The following SP3 variants were observed in gnomAD, a reference collection of about 807,000 sequenced individuals.
SP3 encodes transcription factor Sp3.
SP3 carries 10 observed loss-of-function variants against 70.3 expected under a neutral mutation model. The observed-to-expected ratio is 0.14, with a 90% CI of 0.09 to 0.24. The LOEUF is 0.24. Among genes scored for constraint, SP3 ranks in the 10% least tolerant of loss-of-function variants. SP3 has a pLI of 1.00. For synonymous variants in SP3, 402 were observed against 333.5 expected (o/e 1.21, Z -2.24); for missense variants, 825 against 914.6 (o/e 0.90, Z 1.26).
chr2:173,933,665 TATATATAA>T (rs1195273197), intron 4 of SP3, among the ~76,000 whole-genome samples: 78 of 141,220 alleles, frequency 5.5e-4, no homozygotes, highest in African/African-American at 1.9e-3. Context: ...TATATATATA[TATATATAA>T]AAGTTATAAA....
rs72911149 is a variant in SP3, at chr2:173,920,967, G to A, written c.1640-2182C>T. ...GAGTGGTGACTGCCTACTTTTGAGG[G>A]ACATATATGACTGAGTACAGGGAGA... On this transcript the variant is annotated intron_variant, in intron 4 of 6. Coordinates refer to ENST00000310015, the MANE Select transcript of SP3 (RefSeq NM_003111.5). 4.2e-3 allele frequency among the ~76,000 whole-genome samples: 643 copies of A among 152,180 alleles called. 4 individuals are homozygous for A. Among genetic ancestry groups the A allele is most frequent in the Non-Finnish European group, 6.9e-3 (468 of 68,004 alleles).
rs149673292 is a variant in SP3, at chr2:173,929,150, C to T, written c.1640-10365G>A. On this transcript the variant is annotated intron_variant, in intron 4 of 6. Transcript: ENST00000310015. Reference sequence around the variant, plus strand: ...TTGCCTTGCCAAAGGTGAAAGAAAACGTGGCAAATCACATTCTGTTCTTTA... The same window carrying T: ...TTGCCTTGCCAAAGGTGAAAGAAAATGTGGCAAATCACATTCTGTTCTTTA... Among the ~76,000 whole-genome samples the T allele has an allele frequency of 6.3e-3, 961 of 152,026 alleles. 25 individuals carry two copies. The highest frequency in any genetic ancestry group is 0.01 in the East Asian group (53 of 5,184).
At chr2:173,934,593 C>T (rs1176425072) in intron 4 of SP3, among the ~76,000 whole-genome samples, 1 of 152,018 alleles carries the variant, frequency 6.6e-6, no homozygotes, top group Non-Finnish European at 1.5e-5. Flanking sequence ...ACAAAAAAGT[C>T]AATTGCCAGG....
At chr2:173,917,525 G>C (rs1421335468) in intron 5 of SP3, among the ~76,000 whole-genome samples, 1 of 152,066 alleles carries the variant, frequency 6.6e-6, no homozygotes, top group Non-Finnish European at 1.5e-5. Flanking sequence ...GTTACCAGTT[G>C]TTAGCAATTA....
chr2:173,945,538 A>T (rs1690512441), intron 4 of SP3, among the ~76,000 whole-genome samples: 1 of 152,234 alleles, frequency 6.6e-6, no homozygotes, highest in African/African-American at 2.4e-5. Context: ...AGTATACAAG[A>T]AGTATGCTAT....
Position 173,964,567 on chromosome 2 carries a change from G to GC in SP3, c.8-15dup. On this transcript the variant is annotated splice_polypyrimidine_tract_variant and intron_variant, in intron 1 of 6. Coordinates refer to ENST00000310015, the MANE Select transcript of SP3 (RefSeq NM_003111.5). ...GCTTTTCGGGAGCTGCAGGCACAGC[G>GC]CGGGGGGGTGGGGGTGGGGAGGAAG... 1 of 679,868 alleles carries GC rather than the reference G, an allele frequency of 1.5e-6. No homozygotes were observed. Among genetic ancestry groups the GC allele is most frequent in the Non-Finnish European group, 2.7e-6 (1 of 366,396 alleles). The allele number at this position is 679,868 out of a possible 1,614,324, so 42.1% of individuals were successfully genotyped here.
intron 4 of SP3, among the ~76,000 whole-genome samples, chr2:173,937,026 T>TAC (rs1690228234): frequency 6.6e-6 from 1 of 152,254 alleles, no homozygotes; most frequent in African/African-American, 2.4e-5. Flanking sequence ...TGTTGATTAC[T>TAC]ACTCCATGTA....
rs771943553 is a variant in SP3, at chr2:173,955,693, A to G, written c.819T>C (p.Asp273=). Residue 273 remains aspartate (D), a synonymous_variant, in exon 4 of 7, where the codon GAT becomes GAC. Transcript: ENST00000310015. ...NITFVPINSV[D]LDSLGLSGSS... is the part of the protein sequence containing the mutation. The stretch of plus-strand genomic sequence containing the variant: ...TGCCCGAGAGTCCCAAAGAATCTAG[A>G]TCGACACTATTGATTGGTACAAACG... 4 of 1,614,240 alleles carry G rather than the reference A, an allele frequency of 2.5e-6. No homozygotes were observed. The South Asian group carries it at 3.3e-5, about 13-fold the overall frequency.
At chr2:173,935,325 CT>C (rs1267098351) in intron 4 of SP3, among the ~76,000 whole-genome samples, 1 of 152,172 alleles carries the variant, frequency 6.6e-6, no homozygotes, top group African/African-American at 2.4e-5. Context: ...GTTATCACCT[CT>C]GCTAGAACTA....
chr2:173,915,472 A>G (rs568998046), intron 5 of SP3: 2 of 152,322 alleles, frequency 1.3e-5, no homozygotes, highest in South Asian at 2.1e-4. Flanking sequence ...ACTAATGCCT[A>G]TAATATAGGA....
chr2:173,934,117 G>A (rs565034062), intron 4 of SP3, among the ~76,000 whole-genome samples: 2 of 151,956 alleles, frequency 1.3e-5, no homozygotes, highest in African/African-American at 4.8e-5. Flanking sequence ...CGGGGCACCT[G>A]TAGTCCCACC....
chr2:173,938,680 TA>T (rs1200004424), intron 4 of SP3, among the ~76,000 whole-genome samples: 1 of 151,918 alleles, frequency 6.6e-6, no homozygotes. Flanking sequence ...CAAGTGCTAT[TA>T]AACAAGCGGT....
At chr2:173,961,144 T>G (rs1691060195) in intron 3 of SP3, among the ~76,000 whole-genome samples, 1 of 152,218 alleles carries the variant, frequency 6.6e-6, no homozygotes, top group Admixed American at 6.5e-5. Context: ...TAGCCACAAC[T>G]TAAGTACAAA....
intron 1 of SP3, 146 bp downstream of exon 1, chr2:173,965,019 C>T (rs1691246741): frequency 3.8e-6 from 4 of 1,045,636 alleles, no homozygotes; most frequent in Non-Finnish European, 5.5e-6. Context: ...GGGAGGGAGG[C>T]GCAGGGGAGT....
Position 173,906,791 on chromosome 2 carries a change from G to C in SP3, c.*3150C>G, listed in dbSNP as rs1689336990. On this transcript the variant is annotated 3_prime_UTR_variant, in exon 7 of 7. Transcript: ENST00000310015. ...GCAGGAGTGTTTAACAGAACCACTTGAGCAGCTGTTTCAAAACACATATAC... is the reference window on the plus strand; with the variant it reads ...GCAGGAGTGTTTAACAGAACCACTTCAGCAGCTGTTTCAAAACACATATAC... The C allele has an allele frequency of 6.6e-6, 1 of 152,144 alleles. No homozygotes were observed. The highest frequency in any genetic ancestry group is 1.5e-5 in the Non-Finnish European group (1 of 68,028). 9.4% of individuals were successfully genotyped at this position (152,144 alleles called of 1,614,324 possible). A position where few individuals can be genotyped will look rare whatever the true frequency, so the allele number is the denominator to read the frequency against.
intron 4 of SP3, among the ~76,000 whole-genome samples, chr2:173,919,039 A>C (rs891372165): frequency 2.0e-5 from 3 of 152,226 alleles, no homozygotes; most frequent in African/African-American, 7.2e-5. Context: ...TTTAGATAAT[A>C]AATGCTTCAC....
At chr2:173,964,730 C>A (rs1302356833) in intron 1 of SP3, 177 bp from the exon 2 acceptor site, 1 of 359,370 alleles carries the variant, frequency 2.8e-6, no homozygotes, top group Non-Finnish European at 5.0e-6. Flanking sequence ...CCTGCTGCTG[C>A]CCCCGCCCGC....
intron 4 of SP3, among the ~76,000 whole-genome samples, chr2:173,931,915 C>T (rs1690078222): frequency 6.6e-6 from 1 of 152,110 alleles, no homozygotes; most frequent in Non-Finnish European, 1.5e-5. Context: ...CTGGCCAGAC[C>T]ACTAAAATTT....
chr2:173,925,049 G>A (rs552764637), intron 4 of SP3, among the ~76,000 whole-genome samples: 17 of 152,112 alleles, frequency 1.1e-4, no homozygotes, highest in East Asian at 9.7e-4. Context: ...CACCACACCC[G>A]GCTAATTTCT....
Sources: allele counts gnomAD v4.1 joint callset (sites outside exome capture counted in the v4.1 genomes callset), GRCh38; gene constraint gnomAD v4.1.1; transcripts MANE v1.5; gene names NCBI Gene and HGNC (gene_info 2026-07-23, HGNC 2026-07-21).